Variants in RMI1 observed in about 807,000 individuals in gnomAD.
RMI1 encodes RecQ mediated genome instability 1.
A neutral mutation model predicts 46.7 loss-of-function variants in RMI1; 36 were observed. The observed-to-expected ratio is 0.77, with a 90% CI of 0.59 to 1.02. The LOEUF (loss-of-function observed/expected upper bound fraction) is 1.02, where lower values mean the gene tolerates loss of function less well. Among genes scored for constraint, RMI1 ranks in the 50% least tolerant of loss-of-function variants. The probability of loss-of-function intolerance (pLI) is 0.00; values close to 1 mark genes in which losing one functional copy is unlikely to be tolerated. For synonymous variants in RMI1, 250 were observed against 252.9 expected (o/e 0.99, Z 0.11); for missense variants, 676 against 713.7 (o/e 0.95, Z 0.60).
intron 1 of RMI1, among the ~76,000 whole-genome samples, chr9:83,987,226 C>A (rs1268246103): frequency 1.3e-5 from 2 of 152,130 alleles, no homozygotes; most frequent in East Asian, 3.9e-4. Context: ...CCACGCCCAG[C>A]TAATTTTTGT....
rs891381562 is a variant in RMI1, at chr9:84,001,815, A to G, written c.829A>G (p.Thr277Ala). Residue 277 changes from threonine (T) to alanine (A), a missense_variant, in exon 3 of 3, where the codon ACC (threonine) becomes GCC (alanine). By Grantham distance (58) the Thr-to-Ala change is moderately conservative. Coordinates refer to ENST00000445877, the MANE Select transcript of RMI1 (RefSeq NM_001358291.2). ...TTTCACCACAGGTAGTTCCTCAAAT[A>G]CCATTCCCACAAGACAGTCAAGTTT... ...RCFTTGSSSNTIPTRQSSFEP... is the reference protein window; with the variant it reads ...RCFTTGSSSNAIPTRQSSFEP... 1.2e-6 allele frequency: 2 copies of G among 1,614,034 alleles called. No homozygotes were observed. Among genetic ancestry groups the G allele is most frequent in the African/African-American group, 2.7e-5 (2 of 75,016 alleles).
intron 1 of RMI1, among the ~76,000 whole-genome samples, chr9:83,995,482 C>T (rs911455371): frequency 6.7e-5 from 10 of 148,776 alleles, no homozygotes; most frequent in African/African-American, 2.5e-4. Context: ...GGCTAGAGTG[C>T]AATAGCACGA....
chr9:83,989,552 G>A (rs556769184), intron 1 of RMI1, among the ~76,000 whole-genome samples: 1 of 151,938 alleles, frequency 6.6e-6, no homozygotes, highest in Non-Finnish European at 1.5e-5. Flanking sequence ...AAAAGAAGAT[G>A]TACAGGTGGC....
At chr9:83,982,338 G>A (rs1259786928) in intron 1 of RMI1, among the ~76,000 whole-genome samples, 1 of 152,158 alleles carries the variant, frequency 6.6e-6, no homozygotes, top group Non-Finnish European at 1.5e-5. Flanking sequence ...AAGGAATGAT[G>A]AGTGGGAATC....
At chr9:83,995,611 A>G (rs2133120625) in intron 1 of RMI1, among the ~76,000 whole-genome samples, 1 of 151,930 alleles carries the variant, frequency 6.6e-6, no homozygotes, top group Non-Finnish European at 1.5e-5. Context: ...TATTTTTGGT[A>G]GAGACGGGGT....
chr9:84,001,266 G>A lies in RMI1; in HGVS notation c.280G>A (p.Asp94Asn), dbSNP rs1957731967. Residue 94 changes from aspartate (D) to asparagine (N), a missense_variant, in exon 3 of 3, where the codon GAT becomes AAT. Transcript: ENST00000445877. ...FYALQINSLV[D>N]VSQPAYSQIQ... ...TGCTCTGCAGATTAATTCCTTGGTT[G>A]ATGTAAGTCAGCCTGCATACTCCCA... is the stretch of plus-strand genomic sequence containing the variant. 1 of 1,614,014 alleles carries A rather than the reference G, an allele frequency of 6.2e-7. No individual in the cohort carries two copies. Among genetic ancestry groups the A allele is most frequent in the South Asian group, 1.1e-5 (1 of 91,082 alleles).
At chr9:83,996,075 G>A (rs1957648222) in intron 1 of RMI1, among the ~76,000 whole-genome samples, 1 of 152,054 alleles carries the variant, frequency 6.6e-6, no homozygotes, top group Admixed American at 6.5e-5. Context: ...TTATAATTTT[G>A]GCTTGCAGGC....
chr9:83,991,518 A>C (rs1046415353), intron 1 of RMI1, among the ~76,000 whole-genome samples: 1 of 151,954 alleles, frequency 6.6e-6, no homozygotes, highest in Non-Finnish European at 1.5e-5. Flanking sequence ...GGGTCTTGCT[A>C]TGTTGCCCAG....
intron 1 of RMI1, among the ~76,000 whole-genome samples, chr9:83,992,639 G>A (rs918118038): frequency 1.3e-5 from 2 of 152,138 alleles, no homozygotes; most frequent in African/African-American, 2.4e-5. Flanking sequence ...GAATGACCAC[G>A]AGAGTGCAGT....
At chr9:83,982,684 A>C (rs531672422) in intron 1 of RMI1, among the ~76,000 whole-genome samples, 119 of 150,032 alleles carry the variant, frequency 7.9e-4, no homozygotes, top group African/African-American at 2.8e-3. Context: ...AAAAACAAAA[A>C]CAAAAAAAAA....
At chr9:83,994,636 A>G (rs1957623604) in intron 1 of RMI1, among the ~76,000 whole-genome samples, 2 of 152,116 alleles carry the variant, frequency 1.3e-5, no homozygotes, top group South Asian at 2.1e-4. Context: ...CTCCCACCTC[A>G]GCCTCCCAAG....
chr9:83,992,467 GAA>G (rs763203089), intron 1 of RMI1, among the ~76,000 whole-genome samples: 1 of 140,612 alleles, frequency 7.1e-6, no homozygotes, highest in Non-Finnish European at 1.6e-5. Context: ...AAAACTACTG[GAA>G]AAAAAAAAAA....
chr9:83,999,044 G>C (rs1360044906), intron 1 of RMI1, among the ~76,000 whole-genome samples: 1 of 152,136 alleles, frequency 6.6e-6, no homozygotes, highest in Admixed American at 6.5e-5. Context: ...GGGATGCTGA[G>C]GCAGGAGAAT....
At chr9:83,990,891 C>T (rs1264831357) in intron 1 of RMI1, among the ~76,000 whole-genome samples, 1 of 151,892 alleles carries the variant, frequency 6.6e-6, no homozygotes, top group East Asian at 1.9e-4. Context: ...CACCACAACC[C>T]CCGCCTCCTG....
In RMI1 at chr9:84,001,771, A is replaced by G. The variant is rs761939719; in HGVS notation, c.785A>G (p.Asp262Gly). The stretch of plus-strand genomic sequence containing the variant: ...AATGATGAGCTTACAGCAAATAATG[A>G]CACTTCCTCAGAACGATGTTTCACC... The part of the protein sequence containing the change: ...DENDELTANN[D>G]TSSERCFTTG... Residue 262 changes from aspartate to glycine, a missense_variant, in exon 3 of 3, where the codon GAC becomes GGC. Asp to Gly is a moderately conservative substitution (Grantham distance 94). Coordinates refer to ENST00000445877, the MANE Select transcript of RMI1 (RefSeq NM_001358291.2). The G allele has an allele frequency of 3.7e-6, 6 of 1,613,916 alleles. No individual in the cohort carries two copies. In the East Asian group the frequency reaches 1.3e-4, roughly 36 times the overall value.
At chr9:83,992,102 C>G (rs570196683) in intron 1 of RMI1, among the ~76,000 whole-genome samples, 2 of 152,308 alleles carry the variant, frequency 1.3e-5, no homozygotes, top group South Asian at 4.1e-4. Context: ...GTAAACTCTT[C>G]TAATCCATGA....
intron 1 of RMI1, among the ~76,000 whole-genome samples, chr9:83,990,996 G>T (rs1449275131): frequency 6.6e-6 from 1 of 151,826 alleles, no homozygotes; most frequent in Non-Finnish European, 1.5e-5. Flanking sequence ...TAGTAGAGAC[G>T]GGGTTTCTCC....
intron 1 of RMI1, among the ~76,000 whole-genome samples, chr9:83,992,741 C>G (rs764260400): frequency 5.9e-5 from 9 of 152,070 alleles, no homozygotes; most frequent in Non-Finnish European, 1.3e-4. Flanking sequence ...GTAAAATTGA[C>G]TTTTGTGCTA....
At chr9:83,995,753 C>A (rs1161674047) in intron 1 of RMI1, among the ~76,000 whole-genome samples, 1 of 152,124 alleles carries the variant, frequency 6.6e-6, no homozygotes, top group Admixed American at 6.6e-5. Context: ...TTTCTTTATA[C>A]CGTGTTCTAG....
Sources: allele counts gnomAD v4.1 joint callset (sites outside exome capture counted in the v4.1 genomes callset), GRCh38; gene constraint gnomAD v4.1.1; transcripts MANE v1.5; gene names NCBI Gene and HGNC (gene_info 2026-07-23, HGNC 2026-07-21).